Variants in IWS1 observed in about 807,000 individuals in gnomAD.
IWS1 encodes protein IWS1 homolog.
Under a neutral mutation model 86.7 loss-of-function variants are expected in IWS1, and 27 were observed. The ratio of observed to expected loss-of-function variants is 0.31; its 90% confidence interval spans 0.23 to 0.43. IWS1 has a LOEUF of 0.43. Ranked by LOEUF, IWS1 falls within the 20% of genes least tolerant of loss-of-function variation. IWS1 has a pLI of 1.00. For missense variants in IWS1, 827 were observed against 1,000.8 expected, an observed-to-expected ratio of 0.83 and a Z score of 2.34; for synonymous variants, 313 against 335.1, an observed-to-expected ratio of 0.93 and a Z score of 0.72.
intron 4 of IWS1, 58 bp downstream of exon 4, chr2:127,503,329 A>G (rs899024575): frequency 8.1e-5 from 102 of 1,256,794 alleles, no homozygotes; most frequent in Non-Finnish European, 1.1e-4. Context: ...TATAACACAG[A>G]CCCCTCTCTA....
intron 2 of IWS1, among the ~76,000 whole-genome samples, chr2:127,508,842 C>T (rs966717714): frequency 6.6e-6 from 1 of 152,182 alleles, no homozygotes; most frequent in Non-Finnish European, 1.5e-5. Context: ...ACAGCTGGAT[C>T]GGGGCACAGC....
Position 127,493,307 on chromosome 2 carries a change from C to T in IWS1, c.1903G>A (p.Glu635Lys), listed in dbSNP as rs1690332434. ...DRSLPALKIREELLKILQELP... is the reference protein window; with the variant it reads ...DRSLPALKIRKELLKILQELP... ...TCTTGCAGGATCTTCAGCAGCTCCT[C>T]CCGGATCTTGAGTGCAGGCAAACTC... The change falls in exon 9 of 14, where the codon GAG (glutamate) becomes AAG (lysine). Residue 635 changes from glutamate (E) to lysine (K), a missense_variant. By Grantham distance (56) the Glu-to-Lys change is moderately conservative. Around this residue, in one of 2 missense-constraint regions of IWS1, gnomAD observed 279 missense variants for 440.6 expected, o/e 0.63. Coordinates refer to ENST00000295321, the MANE Select transcript of IWS1 (RefSeq NM_017969.3). The T allele has an allele frequency of 1.9e-6, 3 of 1,613,126 alleles. No homozygotes were observed. In the South Asian group the frequency reaches 3.3e-5, roughly 18 times the overall value.
intron 2 of IWS1, among the ~76,000 whole-genome samples, chr2:127,514,048 C>T (rs1239922342): frequency 1.3e-5 from 2 of 152,222 alleles, no homozygotes; most frequent in East Asian, 3.8e-4. Context: ...TTTGCCTGCT[C>T]TTTCCTGAGT....
rs913364549 is a variant in IWS1 at position 127,489,473 on chromosome 2, G to C, written c.2160-238C>G. ...TGTAACTAATGACCCTGTCCTCCTGGATGCAACTGTATCCACTATTATCAA... is the reference window on the plus strand; with the variant it reads ...TGTAACTAATGACCCTGTCCTCCTGCATGCAACTGTATCCACTATTATCAA... On this transcript the variant is annotated intron_variant, in intron 11 of 13. Coordinates refer to ENST00000295321, the MANE Select transcript of IWS1 (RefSeq NM_017969.3). This position sits in a 1 kb window ranked among gnomAD's most constrained non-coding sequence, Gnocchi z 4.8. The C allele has an allele frequency of 1.8e-6, 1 of 543,192 alleles. No individual in the cohort carries two copies. The highest frequency in any genetic ancestry group is 1.9e-5 in the African/African-American group (1 of 52,300). The allele number at this position is 543,192 out of a possible 1,614,324, so 33.6% of individuals were successfully genotyped here.
chr2:127,513,232 CTG>C (rs1691567991), intron 2 of IWS1, among the ~76,000 whole-genome samples: 1 of 151,574 alleles, frequency 6.6e-6, no homozygotes, highest in Admixed American at 6.6e-5. Context: ...CAGAGTGAGA[CTG>C]TGTCTCAAAA....
chr2:127,500,987 G>A (rs186956055), intron 5 of IWS1, among the ~76,000 whole-genome samples: 22 of 152,186 alleles, frequency 1.4e-4, no homozygotes, highest in African/African-American at 4.3e-4. Flanking sequence ...TCAATTCCAC[G>A]TATGCTCCCA....
intron 5 of IWS1, among the ~76,000 whole-genome samples, chr2:127,500,986 C>T (rs889735757): frequency 2.0e-5 from 3 of 152,194 alleles, no homozygotes; most frequent in Non-Finnish European, 4.4e-5. Flanking sequence ...TTCAATTCCA[C>T]GTATGCTCCC....
In IWS1 at chr2:127,494,875, T is replaced by A; in HGVS notation, c.1796A>T (p.Lys599Met). ...TTAAAGAAAACAAAATACTTACTTC[T>A]TAAGGTGCATAACTACAGCAGGCAG... Reference protein sequence around the residue: ...TLLPAVVMHLKKQDLKETFID... With the variant: ...TLLPAVVMHLMKQDLKETFID... Residue 599 changes from lysine (K) to methionine (M), a missense_variant, in exon 8 of 14, where the codon AAG becomes ATG. Coordinates refer to ENST00000295321, the MANE Select transcript of IWS1 (RefSeq NM_017969.3). 6.4e-7 allele frequency: 1 copy of A among 1,571,724 alleles called. No individual in the cohort carries two copies. Among genetic ancestry groups the A allele is most frequent in the Non-Finnish European group, 8.7e-7 (1 of 1,153,638 alleles).
intron 2 of IWS1, chr2:127,514,441 C>T (rs76665584): frequency 0.057 from 8,752 of 154,534 alleles, 604 homozygotes; most frequent in African/African-American, 0.16. Context: ...CGTTCACCAA[C>T]GCCGTGGGCA....
intron 13 of IWS1, among the ~76,000 whole-genome samples, chr2:127,485,106 A>C (rs1689862244): frequency 6.6e-6 from 1 of 152,168 alleles, no homozygotes; most frequent in African/African-American, 2.4e-5. Context: ...AAGAAAGAGG[A>C]GGGAGAGAGA....
chr2:127,502,424 T>C (rs1690870268), intron 5 of IWS1, among the ~76,000 whole-genome samples: 2 of 152,234 alleles, frequency 1.3e-5, no homozygotes, highest in Non-Finnish European at 2.9e-5. Context: ...TTTGCTACTT[T>C]GTTCCTAGAT....
intron 5 of IWS1, chr2:127,498,580 C>A (rs1690632382): frequency 5.8e-6 from 1 of 171,656 alleles, no homozygotes; most frequent in Non-Finnish European, 1.2e-5. Context: ...TAAGTCTTGT[C>A]ATTTTTTTCA....
Position 127,489,488 on chromosome 2 carries a change from A to G in IWS1, c.2160-253T>C. The G allele has an allele frequency of 1.9e-6, 1 of 528,558 alleles. No individual in the cohort carries two copies. Among genetic ancestry groups the G allele is most frequent in the Non-Finnish European group, 3.3e-6 (1 of 298,990 alleles). 32.7% of individuals were successfully genotyped at this position (528,558 alleles called of 1,614,324 possible). ...TGTCCTCCTGGATGCAACTGTATCC[A>G]CTATTATCAATACAAACTAAAACTA... is the stretch of plus-strand genomic sequence containing the variant. On this transcript the variant is annotated intron_variant, in intron 11 of 13. Transcript: ENST00000295321. The surrounding 1 kb of genome is among the most constrained non-coding windows in gnomAD (Gnocchi z 4.8).
Position 127,526,472 on chromosome 2 carries a change from G to C in IWS1, c.-264C>G. ...CGTTCTACTTCCTAGAAGCACCGCT[G>C]GGGCCAAAATGGCGTCTGCCCACGA... On this transcript the variant is annotated 5_prime_UTR_variant, in exon 1 of 14. Transcript: ENST00000295321. 1 of 1,528,586 alleles carries C rather than the reference G, an allele frequency of 6.5e-7. No individual in the cohort carries two copies. Among genetic ancestry groups the C allele is most frequent in the Non-Finnish European group, 8.8e-7 (1 of 1,135,354 alleles). The allele number at this position is 1,528,586 out of a possible 1,614,324, so 94.7% of individuals were successfully genotyped here.
At chr2:127,526,087 T>A in intron 1 of IWS1, 88 bp downstream of exon 1, 2 of 1,340,064 alleles carry the variant, frequency 1.5e-6, no homozygotes, top group Non-Finnish European at 2.1e-6. Flanking sequence ...TCGGGGGGCC[T>A]CCTTGCCCCC....
chr2:127,496,274 T>G, intron 6 of IWS1, 126 bp from the exon 7 acceptor site: 1 of 1,054,054 alleles, frequency 9.5e-7, no homozygotes, highest in Middle Eastern at 2.4e-4. Flanking sequence ...CTTTTAAAAG[T>G]GCAAATACAG....
chr2:127,492,874 TAGG>T (rs1307833977), intron 9 of IWS1: 4 of 154,736 alleles, frequency 2.6e-5, no homozygotes, highest in African/African-American at 9.6e-5. Context: ...GTGCGTGGCA[TAGG>T]AGGTTTCCTT....
chr2:127,510,285 G>C (rs1308832645), intron 2 of IWS1, among the ~76,000 whole-genome samples: 1 of 152,140 alleles, frequency 6.6e-6, no homozygotes, highest in Admixed American at 6.5e-5. Flanking sequence ...ACATAATGCT[G>C]TCAATCCAAT....
chr2:127,506,455 T>C (rs1249619538), intron 2 of IWS1, among the ~76,000 whole-genome samples: 1 of 152,184 alleles, frequency 6.6e-6, no homozygotes, highest in Non-Finnish European at 1.5e-5. Flanking sequence ...ACAGGAACAT[T>C]CTTGGGTTTT....
Sources: allele counts gnomAD v4.1 joint callset (sites outside exome capture counted in the v4.1 genomes callset), GRCh38; gene constraint gnomAD v4.1.1; regional missense constraint gnomAD v4.1.1; non-coding constraint Gnocchi (gnomAD v3.1); transcripts MANE v1.5; gene names NCBI Gene and HGNC (gene_info 2026-07-23, HGNC 2026-07-21).